GPRIN3: variants seen among roughly 807,000 people sequenced by gnomAD.
GPRIN3 encodes GPRIN family member 3.
Under a neutral mutation model 13.7 loss-of-function variants are expected in GPRIN3, and 12 were observed. That is an observed-to-expected ratio of 0.87 (90% CI 0.56 to 1.42). The LOEUF is 1.42. Ranked by LOEUF, GPRIN3 falls within the 40% of genes most tolerant of loss-of-function variation. The pLI is 0.00. For missense variants in GPRIN3, 1,009 were observed against 958.7 expected, an observed-to-expected ratio of 1.05 and a Z score of -0.69; for synonymous variants, 377 against 372.7, an observed-to-expected ratio of 1.01 and a Z score of -0.13.
At chr4:89,251,993 G>A (rs1270086232) in intron 1 of GPRIN3, among the ~76,000 whole-genome samples, 1 of 149,340 alleles carries the variant, frequency 6.7e-6, no homozygotes, top group Non-Finnish European at 1.5e-5. Flanking sequence ...TTTTTTTTGA[G>A]ACAGGGTCTT....
At position 89,249,086 on chromosome 4, in the gene GPRIN3, G is replaced by A. The variant is rs28647517; in HGVS notation, c.1025C>T (p.Ala342Val). 194 of 1,614,036 alleles carry A rather than the reference G, an allele frequency of 1.2e-4. No individual in the cohort carries two copies. Among genetic ancestry groups the A allele is most frequent in the Non-Finnish European group, 1.6e-4 (188 of 1,180,026 alleles). Reference sequence around the variant, plus strand: ...AGGAGCACGGCTTTCCTTCAGAAATGCAGTGAGGATACTGGGGCTGGTGGA... The same window carrying A: ...AGGAGCACGGCTTTCCTTCAGAAATACAGTGAGGATACTGGGGCTGGTGGA... Reference protein sequence around the residue: ...SVSTSPSILTAFLKESRAPEH... With the variant: ...SVSTSPSILTVFLKESRAPEH... Residue 342 changes from alanine to valine, a missense_variant, in exon 2 of 2, where the codon GCA becomes GTA. Transcript: ENST00000609438.
At chr4:89,254,128 G>GGTGGGTGTGTGTGTGTGTGT (rs1553949834) in intron 1 of GPRIN3, among the ~76,000 whole-genome samples, 8 of 147,648 alleles carry the variant, frequency 5.4e-5, no homozygotes, top group South Asian at 2.2e-4. Context: ...GTTGCATCTG[G>GGTGGGTGTGTGTGTGTGTGT]GTGTGTGTGT....
intron 1 of GPRIN3, among the ~76,000 whole-genome samples, chr4:89,296,326 C>T (rs1724733240): frequency 6.6e-6 from 1 of 152,066 alleles, no homozygotes; most frequent in Non-Finnish European, 1.5e-5. Flanking sequence ...CGGCTTTTTT[C>T]AGTTATTGGA....
intron 1 of GPRIN3, among the ~76,000 whole-genome samples, chr4:89,289,844 C>A (rs780786437): frequency 5.3e-5 from 8 of 152,048 alleles, no homozygotes; most frequent in Non-Finnish European, 8.8e-5. Flanking sequence ...CAGATCTGAT[C>A]ACATCACTCT....
Position 89,305,530 on chromosome 4 carries a change from T to A in GPRIN3, c.-124+2085A>T, listed in dbSNP as rs183322045. ...TGAGTGCATAAAGGGCAGGAGCAGC[T>A]GCCAATGAAAGAGCTCAAATAAGAG... On this transcript the variant is annotated intron_variant, in intron 1 of 1. Transcript: ENST00000609438. Among the ~76,000 whole-genome samples, 6 of 152,340 alleles carry A rather than the reference T, an allele frequency of 3.9e-5. No individual in the cohort carries two copies. In the East Asian group the frequency reaches 1.2e-3, roughly 29 times the overall value.
chr4:89,273,516 G>A (rs998264785), intron 1 of GPRIN3, among the ~76,000 whole-genome samples: 3 of 152,116 alleles, frequency 2.0e-5, no homozygotes, highest in Non-Finnish European at 2.9e-5. Context: ...GTTAAACCCT[G>A]TCTCTACTAA....
chr4:89,248,152 A>C lies in GPRIN3; in HGVS notation c.1959T>G (p.Ala653=), dbSNP rs775160726. ...CTCCTGGAGTGAGTCCTACCTGAGCAGCAGCTGCTGTCACATTTAACTTTT... is the reference window on the plus strand; with the variant it reads ...CTCCTGGAGTGAGTCCTACCTGAGCCGCAGCTGCTGTCACATTTAACTTTT... ...KEQKLNVTAA[A]AQVGLTPGDK... Residue 653 remains alanine (A), a synonymous_variant, in exon 2 of 2, where the codon GCT becomes GCG. Coordinates refer to ENST00000609438, the MANE Select transcript of GPRIN3 (RefSeq NM_198281.3). The C allele has an allele frequency of 2.5e-6, 4 of 1,614,142 alleles. No individual in the cohort carries two copies. Among genetic ancestry groups the C allele is most frequent in the African/African-American group, 1.3e-5 (1 of 75,040 alleles).
chr4:89,260,035 G>A (rs1470135255), intron 1 of GPRIN3, among the ~76,000 whole-genome samples: 1 of 152,172 alleles, frequency 6.6e-6, no homozygotes, highest in Non-Finnish European at 1.5e-5. Context: ...TCGAACTCCT[G>A]ACCTCAGGTG....
intron 1 of GPRIN3, among the ~76,000 whole-genome samples, chr4:89,253,225 A>G (rs1415131457): frequency 6.6e-6 from 1 of 152,186 alleles, no homozygotes; most frequent in East Asian, 1.9e-4. Context: ...TGTGCATAAA[A>G]AGTTGTTAAT....
rs529957255 is a variant in GPRIN3, at chr4:89,255,757, C to G, written c.-123-5524G>C. On this transcript the variant is annotated intron_variant, in intron 1 of 1. Coordinates refer to ENST00000609438, the MANE Select transcript of GPRIN3 (RefSeq NM_198281.3). ...AGGTTCTTGCTAAAACTGGACTCTG[C>G]AAAAGATGAACACAGATGCCTAAGG... Among the ~76,000 whole-genome samples the G allele has an allele frequency of 7.2e-5, 11 of 152,296 alleles. No individual in the cohort carries two copies. In the East Asian group the frequency reaches 2.1e-3, roughly 29 times the overall value.
intron 1 of GPRIN3, among the ~76,000 whole-genome samples, chr4:89,275,805 C>T (rs749262990): frequency 1.2e-4 from 18 of 152,152 alleles, no homozygotes; most frequent in Non-Finnish European, 2.4e-4. Context: ...ACTACAATGC[C>T]GTCACGGTAA....
At chr4:89,261,277 C>T (rs966642043) in intron 1 of GPRIN3, among the ~76,000 whole-genome samples, 1 of 152,132 alleles carries the variant, frequency 6.6e-6, no homozygotes, top group Admixed American at 6.5e-5. Context: ...CCTCCGCTCC[C>T]CAGATCCCAG....
chr4:89,259,552 C>G (rs1346658669), intron 1 of GPRIN3, among the ~76,000 whole-genome samples: 1 of 152,216 alleles, frequency 6.6e-6, no homozygotes, highest in Non-Finnish European at 1.5e-5. Context: ...TAGATATGAT[C>G]AAAGCTGCTC....
At chr4:89,288,550 T>C (rs564524186) in intron 1 of GPRIN3, among the ~76,000 whole-genome samples, 12 of 152,322 alleles carry the variant, frequency 7.9e-5, no homozygotes, top group African/African-American at 2.9e-4. Flanking sequence ...CTGTGTACCT[T>C]GATAGGATTC....
At chr4:89,297,777 A>C (rs1349028710) in intron 1 of GPRIN3, among the ~76,000 whole-genome samples, 1 of 152,202 alleles carries the variant, frequency 6.6e-6, no homozygotes, top group African/African-American at 2.4e-5. Context: ...GGGTATTTAC[A>C]GTCCCATTGG....
At position 89,248,073 on chromosome 4, in the gene GPRIN3, G is replaced by C; in HGVS notation, c.2038C>G (p.Arg680Gly). The stretch of plus-strand genomic sequence containing the variant: ...TCATCCCACACGACGTCCCTGACAC[G>C]CTTGGACTGTTTCAGCTGGAGCTTG... The part of the protein sequence containing the change: ...DSKLQLKQSK[R>G]VRDVVWDEQG... Residue 680 changes from arginine (R) to glycine (G), a missense_variant, in exon 2 of 2, where the codon CGT (arginine) becomes GGT (glycine). By Grantham distance (125) the Arg-to-Gly change is moderately radical. Transcript: ENST00000609438. The C allele has an allele frequency of 3.7e-6, 6 of 1,614,080 alleles. No homozygotes were observed. Among genetic ancestry groups the C allele is most frequent in the Non-Finnish European group, 5.1e-6 (6 of 1,179,988 alleles).
At chr4:89,286,070 T>G (rs1724402605) in intron 1 of GPRIN3, among the ~76,000 whole-genome samples, 1 of 131,978 alleles carries the variant, frequency 7.6e-6, no homozygotes, top group African/African-American at 2.7e-5. Flanking sequence ...CTCAATTACA[T>G]GTGTACGTGT....
At chr4:89,301,627 AC>A (rs1724900067) in intron 1 of GPRIN3, among the ~76,000 whole-genome samples, 1 of 152,248 alleles carries the variant, frequency 6.6e-6, no homozygotes, top group Non-Finnish European at 1.5e-5. Context: ...ATCAATAACA[AC>A]TGATTTCTGA....
At chr4:89,258,017 C>T (rs1723520777) in intron 1 of GPRIN3, among the ~76,000 whole-genome samples, 1 of 151,692 alleles carries the variant, frequency 6.6e-6, no homozygotes. Context: ...GGTTTACGCT[C>T]AGTGTTTTAG....
Sources: gnomAD v4.1 joint callset for allele counts (sites outside exome capture counted in the v4.1 genomes callset) on GRCh38, gnomAD v4.1.1 for gene constraint, MANE v1.5 for transcripts, NCBI Gene and HGNC (gene_info 2026-07-23, HGNC 2026-07-21) for gene names.